RANBP2: variants seen among roughly 807,000 people sequenced by gnomAD.
The protein encoded by RANBP2 is RAN binding protein 2, also known as E3 SUMO-protein ligase RanBP2.
Under a neutral mutation model 303.6 loss-of-function variants are expected in RANBP2, and 57 were observed. The observed-to-expected ratio is 0.19, with a 90% CI of 0.15 to 0.23. The LOEUF is 0.23. Ranked by LOEUF, RANBP2 falls within the 10% of genes least tolerant of loss-of-function variation. RANBP2 has a pLI of 1.00. For missense variants in RANBP2, 3,138 were observed against 3,780.8 expected, an observed-to-expected ratio of 0.83 and a Z score of 4.46; for synonymous variants, 1,167 against 1,301.5, an observed-to-expected ratio of 0.90 and a Z score of 2.23.
At chr2:109,016,985 G>A in the RANBP2 span, among the ~76,000 whole-genome samples, 2 of 152,234 alleles carry the variant, frequency 1.3e-5, no homozygotes, top group Non-Finnish European at 2.9e-5. Flanking sequence ...GTGATTTGGA[G>A]ACAGGAAGCT....
the RANBP2 span, chr2:108,804,919 G>A: frequency 1.3e-5 from 20 of 1,559,936 alleles, no homozygotes; most frequent in Admixed American, 4.2e-5. Flanking sequence ...ACACTTAACC[G>A]AAGTTCTTAA....
chr2:109,240,818 T>G, the RANBP2 span, among the ~76,000 whole-genome samples: 13 of 152,166 alleles, frequency 8.5e-5, no homozygotes, highest in South Asian at 2.7e-3. Flanking sequence ...CTAAGGTTAC[T>G]TCTTCCTACT....
chr2:109,082,401 C>T, the RANBP2 span, among the ~76,000 whole-genome samples: 2 of 151,974 alleles, frequency 1.3e-5, no homozygotes, highest in African/African-American at 4.8e-5. Flanking sequence ...CCCGGGTTCA[C>T]ACCATTCTCC....
chr2:109,101,527 CA>C, the RANBP2 span, among the ~76,000 whole-genome samples: 1 of 151,748 alleles, frequency 6.6e-6, no homozygotes, highest in African/African-American at 2.4e-5. Context: ...GACTCTGTCT[CA>C]AAAAAACAAA....
chr2:108,841,055 C>T, the RANBP2 span, among the ~76,000 whole-genome samples: 3 of 152,132 alleles, frequency 2.0e-5, no homozygotes, highest in East Asian at 5.8e-4. Context: ...GATGGGGTTT[C>T]ACCATGTTGA....
chr2:109,455,549 T>C, the RANBP2 span, among the ~76,000 whole-genome samples: 1 of 152,158 alleles, frequency 6.6e-6, no homozygotes, highest in Non-Finnish European at 1.5e-5. Flanking sequence ...ACACTCATGA[T>C]ATTATATAGG....
chr2:109,736,593 G>A, the RANBP2 span, among the ~76,000 whole-genome samples: 3 of 152,144 alleles, frequency 2.0e-5, no homozygotes, highest in Admixed American at 6.5e-5. Flanking sequence ...AAGCAGCACA[G>A]TTTCTCTCTC....
intron 7 of RANBP2, among the ~76,000 whole-genome samples, chr2:108,746,075 T>TA (rs1294246669): frequency 3.3e-5 from 5 of 151,634 alleles, no homozygotes; most frequent in African/African-American, 9.7e-5. Context: ...CCTGGCTAAT[T>TA]AAAAAAAACA....
chr2:108,874,153 A>G, the RANBP2 span, among the ~76,000 whole-genome samples: 1 of 152,208 alleles, frequency 6.6e-6, no homozygotes, highest in Non-Finnish European at 1.5e-5. Flanking sequence ...CTGTAATACC[A>G]CAGGTGAAAA....
the RANBP2 span, among the ~76,000 whole-genome samples, chr2:109,071,618 G>A: frequency 2.0e-5 from 3 of 151,752 alleles, no homozygotes; most frequent in Admixed American, 1.3e-4. Flanking sequence ...AGGTTGCAGC[G>A]AGCCAAGATC....
chr2:108,731,606 A>T (rs1414791566), intron 4 of RANBP2, 132 bp downstream of exon 4: 1 of 1,535,068 alleles, frequency 6.5e-7, no homozygotes, highest in Admixed American at 2.1e-5. Flanking sequence ...TCTTTTAAAA[A>T]GTGTGTTAAA....
At chr2:108,856,951 C>T in the RANBP2 span, 133 of 1,601,084 alleles carry the variant, frequency 8.3e-5, no homozygotes, top group Non-Finnish European at 1.1e-4. Context: ...ATAGTTTGCT[C>T]CAGATGACGG....
chr2:109,036,525 T>C, the RANBP2 span, among the ~76,000 whole-genome samples: 1 of 152,196 alleles, frequency 6.6e-6, no homozygotes, highest in Non-Finnish European at 1.5e-5. Flanking sequence ...TATGCAAGTT[T>C]GGTTCAATAT....
chr2:108,889,178 G>T, the RANBP2 span, among the ~76,000 whole-genome samples: 1 of 152,042 alleles, frequency 6.6e-6, no homozygotes, highest in African/African-American at 2.4e-5. Context: ...TATGATTGTG[G>T]TTTGTTAAGT....
chr2:109,398,811 C>T, the RANBP2 span: 1 of 1,613,870 alleles, frequency 6.2e-7, no homozygotes, highest in East Asian at 2.2e-5. Context: ...GTGTGACGCA[C>T]AGATCCTCCC....
chr2:108,762,113 G>A lies in RANBP2; in HGVS notation c.2615G>A (p.Gly872Asp), dbSNP rs373286631. The A allele has an allele frequency of 4.4e-6, 7 of 1,595,842 alleles. No individual in the cohort carries two copies. The highest frequency in any genetic ancestry group is 5.9e-6 in the Non-Finnish European group (7 of 1,179,198). The change falls in exon 19 of 29, where the codon GGC becomes GAC. Residue 872 changes from glycine (G) to aspartate (D), a missense_variant. Transcript: ENST00000283195. ...TTTGTTTTTTTAGTTGCAACTACTG[G>A]CCCTTCAGTATATTATAGTCAGTCA... is the stretch of plus-strand genomic sequence containing the variant. ...HGAPLTVATT[G>D]PSVYYSQSPA...
At chr2:109,701,994 C>T in the RANBP2 span, among the ~76,000 whole-genome samples, 633 of 152,332 alleles carry the variant, frequency 4.2e-3, 9 homozygotes, top group African/African-American at 0.014. Flanking sequence ...TAAACAATCA[C>T]CTACCTACAT....
the RANBP2 span, among the ~76,000 whole-genome samples, chr2:109,442,344 TAGAA>T: frequency 2.6e-4 from 39 of 150,882 alleles, no homozygotes; most frequent in African/African-American, 9.5e-4. Context: ...TCCACACTAT[TAGAA>T]AGGTAAAAAT....
At chr2:109,494,687 T>A in the RANBP2 span, among the ~76,000 whole-genome samples, 1 of 152,102 alleles carries the variant, frequency 6.6e-6, no homozygotes, top group Non-Finnish European at 1.5e-5. Context: ...CCTGTGATCA[T>A]GAAAGTGGGA....
Sources: allele counts gnomAD v4.1 joint callset (sites outside exome capture counted in the v4.1 genomes callset), GRCh38; gene constraint gnomAD v4.1.1; transcripts MANE v1.5; gene names NCBI Gene and HGNC (gene_info 2026-07-23, HGNC 2026-07-21).